CSMD1: variants seen among roughly 807,000 people sequenced by gnomAD.
The protein encoded by CSMD1 is CUB and sushi domain-containing protein 1.
CSMD1 carries 213 observed loss-of-function variants against 417.5 expected under a neutral mutation model. That is an observed-to-expected ratio of 0.51 (90% CI 0.46 to 0.57). The LOEUF (loss-of-function observed/expected upper bound fraction) is 0.57, where lower values mean the gene tolerates loss of function less well. Among genes scored for constraint, CSMD1 ranks in the 20% least tolerant of loss-of-function variants. The pLI, the probability that CSMD1 is intolerant of heterozygous loss-of-function variation, is 0.00. For missense variants in CSMD1, 6,923 were observed against 4,529.7 expected (o/e 1.53, Z -15.17); for synonymous variants, 2,862 against 1,736.8 (o/e 1.65, Z -16.11).
intron 4 of CSMD1, among the ~76,000 whole-genome samples, chr8:4,024,786 G>C (rs1274501515): frequency 6.6e-6 from 1 of 152,194 alleles, no homozygotes; most frequent in Non-Finnish European, 1.5e-5. Context: ...CGTAGTTTAT[G>C]ACAGCTTGTG....
intron 5 of CSMD1, among the ~76,000 whole-genome samples, chr8:3,767,555 G>C (rs918716540): frequency 6.6e-6 from 1 of 152,154 alleles, no homozygotes; most frequent in African/African-American, 2.4e-5. Context: ...AACATCCAAA[G>C]CTGATTGCTG....
At chr8:4,561,835 G>A (rs1021888475) in intron 2 of CSMD1, among the ~76,000 whole-genome samples, 9 of 152,320 alleles carry the variant, frequency 5.9e-5, no homozygotes, top group East Asian at 1.9e-4. Flanking sequence ...CTGAGGGGAT[G>A]GAGTCCCAGA....
In CSMD1 at chr8:3,655,459, T is replaced by C. The variant is rs371707657; in HGVS notation, c.1010-38662A>G. 1.2e-3 allele frequency among the ~76,000 whole-genome samples: 187 copies of C among 152,304 alleles called. 3 individuals are homozygous for C. The South Asian group carries it at 0.036, about 29-fold the overall frequency. Reference sequence around the variant, plus strand: ...AGCATATTTCATTACTCTACATAATTATAATGACAAACAATAGTATCAGAA... The same window carrying C: ...AGCATATTTCATTACTCTACATAATCATAATGACAAACAATAGTATCAGAA... On this transcript the variant is annotated intron_variant, in intron 7 of 69. Coordinates refer to ENST00000635120, the MANE Select transcript of CSMD1 (RefSeq NM_033225.6).
intron 3 of CSMD1, among the ~76,000 whole-genome samples, chr8:4,192,488 C>G (rs968548858): frequency 6.6e-6 from 1 of 152,036 alleles, no homozygotes; most frequent in Non-Finnish European, 1.5e-5. Context: ...TTGACCACCA[C>G]ATAAACTAAA....
intron 5 of CSMD1, among the ~76,000 whole-genome samples, chr8:3,807,519 C>T (rs914203906): frequency 2.0e-5 from 3 of 152,132 alleles, no homozygotes; most frequent in South Asian, 2.1e-4. Context: ...CAGGGCAGAG[C>T]TTCAACAGAT....
chr8:4,539,580 C>G (rs1156318681), intron 2 of CSMD1, among the ~76,000 whole-genome samples: 5 of 152,092 alleles, frequency 3.3e-5, no homozygotes, highest in African/African-American at 9.7e-5. Flanking sequence ...GTTACACTGG[C>G]TTATAATGTT....
intron 7 of CSMD1, among the ~76,000 whole-genome samples, chr8:3,697,651 A>G (rs1317150012): frequency 6.6e-6 from 1 of 152,194 alleles, no homozygotes; most frequent in Non-Finnish European, 1.5e-5. Context: ...GGCGCCAAAC[A>G]TGAATCATTC....
At chr8:4,692,549 G>A (rs1806834367) in intron 1 of CSMD1, among the ~76,000 whole-genome samples, 1 of 152,150 alleles carries the variant, frequency 6.6e-6, no homozygotes. Context: ...GCAGCCACAT[G>A]AAGAGGGCCG....
intron 3 of CSMD1, among the ~76,000 whole-genome samples, chr8:4,259,185 G>T (rs1374041959): frequency 6.6e-6 from 1 of 152,168 alleles, no homozygotes; most frequent in East Asian, 1.9e-4. Flanking sequence ...ATGCACTCTA[G>T]AAGTCACTTT....
At chr8:3,700,557 T>C (rs997598131) in intron 7 of CSMD1, 1 of 152,274 alleles carries the variant, frequency 6.6e-6, no homozygotes, top group Admixed American at 6.5e-5. Context: ...GGCTGGTTAG[T>C]ACTTGGATGG....
intron 3 of CSMD1, among the ~76,000 whole-genome samples, chr8:4,095,238 C>A (rs1270543631): frequency 6.6e-6 from 1 of 152,172 alleles, no homozygotes; most frequent in South Asian, 2.1e-4. Context: ...TCAGGCTGAT[C>A]TTTCATGTTC....
At chr8:4,782,419 G>A (rs774537519) in intron 1 of CSMD1, among the ~76,000 whole-genome samples, 4 of 151,878 alleles carry the variant, frequency 2.6e-5, no homozygotes, top group African/African-American at 9.7e-5. Flanking sequence ...CTTTATAAAA[G>A]ACACCACAGT....
chr8:3,726,922 G>A (rs895636742), intron 6 of CSMD1, among the ~76,000 whole-genome samples: 3 of 152,172 alleles, frequency 2.0e-5, no homozygotes, highest in African/African-American at 7.2e-5. Flanking sequence ...ATCATACACA[G>A]ATAACCTAAC....
intron 7 of CSMD1, among the ~76,000 whole-genome samples, chr8:3,675,314 C>G (rs183075394): frequency 9.5e-4 from 144 of 152,290 alleles, no homozygotes; most frequent in African/African-American, 3.2e-3. Flanking sequence ...CACATCCTCA[C>G]GTCTCCACTG....
chr8:4,586,754 C>T (rs981454843), intron 2 of CSMD1, among the ~76,000 whole-genome samples: 14 of 152,132 alleles, frequency 9.2e-5, no homozygotes, highest in African/African-American at 1.2e-4. Flanking sequence ...AATAGCTGTG[C>T]GGTTCCCCAT....
chr8:4,268,880 G>T (rs539884156), intron 3 of CSMD1, among the ~76,000 whole-genome samples: 1 of 152,118 alleles, frequency 6.6e-6, no homozygotes, highest in Non-Finnish European at 1.5e-5. Context: ...CACATAGAAT[G>T]TTTATTCATA....
Position 3,468,791 on chromosome 8 carries a change from C to A in CSMD1, c.1482G>T (p.Val494=). The A allele has an allele frequency of 6.2e-7, 1 of 1,603,568 alleles. No individual in the cohort carries two copies. The highest frequency in any genetic ancestry group is 8.5e-7 in the Non-Finnish European group (1 of 1,175,164). ...LTGSSVPDLI[V]SMSNQMWLHL... ...GTAGCCACATCTGGTTGCTCATGCT[C>A]ACAATGAGGTCAGGAACACTGGATC... The change falls in exon 12 of 70, where the codon GTG becomes GTT. Residue 494 remains valine, a synonymous_variant. Transcript: ENST00000635120.
intron 12 of CSMD1, among the ~76,000 whole-genome samples, chr8:3,463,935 A>C (rs370731466): frequency 2.0e-5 from 3 of 152,250 alleles, no homozygotes; most frequent in East Asian, 3.9e-4. Context: ...ATGCCTACAC[A>C]AATTTCCATT....
In CSMD1 at chr8:3,617,639, A is replaced by T. The variant is rs141757023; in HGVS notation, c.1010-842T>A. On this transcript the variant is annotated intron_variant, in intron 7 of 69. Transcript: ENST00000635120. ...TCTGTGTCCAGGTTTCAAATGTAGA[A>T]CTATTGCTGCCATTTTCCTATAATC... is the stretch of plus-strand genomic sequence containing the variant. Among the ~76,000 whole-genome samples the T allele has an allele frequency of 1.9e-3, 284 of 152,274 alleles. 2 individuals are homozygous for T. The highest frequency in any genetic ancestry group is 6.5e-3 in the African/African-American group (271 of 41,542).
Sources: allele counts gnomAD v4.1 joint callset (sites outside exome capture counted in the v4.1 genomes callset), GRCh38; gene constraint gnomAD v4.1.1; transcripts MANE v1.5; gene names NCBI Gene and HGNC (gene_info 2026-07-23, HGNC 2026-07-21).